The following DNAH7 variants were observed in gnomAD, a reference collection of about 807,000 sequenced individuals.
DNAH7 encodes the protein dynein axonemal heavy chain 7, also known as axonemal beta dynein heavy chain 7.
Under a neutral mutation model 444.6 loss-of-function variants are expected in DNAH7, and 397 were observed. The ratio of observed to expected loss-of-function variants is 0.89; its 90% CI spans 0.82 to 0.97. DNAH7 has a LOEUF of 0.97. Among genes scored for constraint, DNAH7 ranks in the 50% least tolerant of loss-of-function variants. The probability of loss-of-function intolerance (pLI) is 0.00; values close to 1 mark genes in which losing one functional copy is unlikely to be tolerated. For synonymous variants in DNAH7, 1,636 were observed against 1,624.4 expected (o/e 1.01, Z -0.17); for missense variants, 4,902 against 4,800.8 (o/e 1.02, Z -0.62).
chr2:195,830,124 C>T (rs1282020953), intron 48 of DNAH7, among the ~76,000 whole-genome samples: 1 of 152,106 alleles, frequency 6.6e-6, no homozygotes, highest in Non-Finnish European at 1.5e-5. Flanking sequence ...AGACAGACTT[C>T]TCTTCATGTT....
chr2:195,786,571 T>TA (rs1695631944), intron 58 of DNAH7, among the ~76,000 whole-genome samples: 2 of 143,224 alleles, frequency 1.4e-5, no homozygotes, highest in Non-Finnish European at 3.0e-5. Flanking sequence ...TTAAATAGAT[T>TA]TTTTTTTTTT....
At chr2:195,878,682 C>T (rs1056013599) in intron 36 of DNAH7, among the ~76,000 whole-genome samples, 1 of 152,036 alleles carries the variant, frequency 6.6e-6, no homozygotes, top group Non-Finnish European at 1.5e-5. Flanking sequence ...AGCATTGAGG[C>T]CATCTAAAAA....
At chr2:195,979,342 A>C (rs1692407268) in intron 15 of DNAH7, among the ~76,000 whole-genome samples, 1 of 152,294 alleles carries the variant, frequency 6.6e-6, no homozygotes, top group South Asian at 2.1e-4. Flanking sequence ...ACACAAACAC[A>C]TGGAAATTAA....
rs376511065 is a variant in DNAH7, at chr2:195,960,928, A to G, written c.2223T>C (p.Ala741=). 69 of 1,595,010 alleles carry G rather than the reference A, an allele frequency of 4.3e-5. No homozygotes were observed. The highest frequency in any genetic ancestry group is 3.9e-5 in the Non-Finnish European group (46 of 1,169,156). ...GTAGCCAACCAAATGCTTCCTCTTCAGCATTAAACTGCTCAATCTGAAAGG... is the reference window on the plus strand; with the variant it reads ...GTAGCCAACCAAATGCTTCCTCTTCGGCATTAAACTGCTCAATCTGAAAGG... ...LAADKIEQFN[A]EEEAFGWLPS... The change falls in exon 18 of 65, where the codon GCT becomes GCC. Residue 741 remains alanine (A), a synonymous_variant. Transcript: ENST00000312428.
chr2:195,802,989 G>A (rs1233558098), intron 54 of DNAH7, among the ~76,000 whole-genome samples: 1 of 152,144 alleles, frequency 6.6e-6, no homozygotes, highest in Non-Finnish European at 1.5e-5. Context: ...TTTCACATAT[G>A]ATAAATGTTT....
At chr2:195,744,816 A>T (rs1286783006) in intron 63 of DNAH7, among the ~76,000 whole-genome samples, 2 of 152,204 alleles carry the variant, frequency 1.3e-5, no homozygotes, top group African/African-American at 4.8e-5. Flanking sequence ...AAGGAAAACT[A>T]ACAAACAGAA....
intron 29 of DNAH7, among the ~76,000 whole-genome samples, chr2:195,897,000 T>C (rs1390244384): frequency 6.6e-6 from 1 of 152,186 alleles, no homozygotes; most frequent in Non-Finnish European, 1.5e-5. Flanking sequence ...TGGAAATATG[T>C]AACACACTGC....
chr2:195,909,895 G>T, intron 25 of DNAH7, 132 bp downstream of exon 25: 1 of 894,276 alleles, frequency 1.1e-6, no homozygotes, highest in Non-Finnish European at 1.6e-6. Context: ...AAGAATTATT[G>T]AGATAGTGCT....
At chr2:195,835,567 C>G (rs12477668) in intron 47 of DNAH7, among the ~76,000 whole-genome samples, 1 of 151,878 alleles carries the variant, frequency 6.6e-6, no homozygotes. Flanking sequence ...TAGCTTAGGC[C>G]GGGTGCGGTA....
chr2:195,880,576 G>A (rs1701320269), intron 36 of DNAH7, among the ~76,000 whole-genome samples: 1 of 151,964 alleles, frequency 6.6e-6, no homozygotes. Flanking sequence ...ATCTCCTAGT[G>A]ATCCCCCCGC....
At chr2:195,844,452 G>C (rs944146281) in intron 47 of DNAH7, among the ~76,000 whole-genome samples, 2 of 152,206 alleles carry the variant, frequency 1.3e-5, no homozygotes. Context: ...GTGAGACCTG[G>C]AGGAGAGGGT....
intron 49 of DNAH7, among the ~76,000 whole-genome samples, chr2:195,819,957 T>C (rs1404828692): frequency 6.6e-6 from 1 of 152,184 alleles, no homozygotes; most frequent in Non-Finnish European, 1.5e-5. Context: ...GTGACTTCAA[T>C]GTTCAGCCAG....
At chr2:195,896,478 C>G (rs1351984429) in intron 29 of DNAH7, among the ~76,000 whole-genome samples, 5 of 151,822 alleles carry the variant, frequency 3.3e-5, no homozygotes, top group Non-Finnish European at 1.5e-5. Flanking sequence ...AATGTTAGAG[C>G]TTGAGGTTTT....
At chr2:196,024,039 A>G (rs1443062003) in intron 8 of DNAH7, among the ~76,000 whole-genome samples, 2 of 152,198 alleles carry the variant, frequency 1.3e-5, no homozygotes, top group Admixed American at 1.3e-4. Flanking sequence ...TATAATAGTA[A>G]CATCAAAGAT....
intron 46 of DNAH7, among the ~76,000 whole-genome samples, chr2:195,852,913 CACAGAGAGAG>C (rs1481200174): frequency 7.1e-4 from 96 of 134,706 alleles, no homozygotes; most frequent in South Asian, 4.1e-3. Flanking sequence ...CACACACACA[CACAGAGAGAG>C]AGAGAGAGAG....
At chr2:195,995,408 T>C in intron 12 of DNAH7, 1 of 475,436 alleles carries the variant, frequency 2.1e-6, no homozygotes, top group Non-Finnish European at 4.2e-6. Context: ...ATGGCGTTTT[T>C]CTGAGGGAGA....
chr2:195,861,965 C>T lies in DNAH7; in HGVS notation c.7507-19G>A. 6.3e-7 allele frequency: 1 copy of T among 1,580,006 alleles called. No homozygotes were observed. On this transcript the variant is annotated intron_variant, in intron 41 of 64. Coordinates refer to ENST00000312428, the MANE Select transcript of DNAH7 (RefSeq NM_018897.3). ...GCCATGACTAAATGTAAGATAAATG[C>T]TTTAGCATTTTATTAAGATTACGAA... is the stretch of plus-strand genomic sequence containing the variant.
chr2:195,844,965 T>TA (rs1357188975), intron 47 of DNAH7, 37 bp downstream of exon 47: 1 of 1,579,146 alleles, frequency 6.3e-7, no homozygotes. Flanking sequence ...TACTGTTATT[T>TA]AATAAAGACC....
At chr2:196,047,630 ATTT>A in intron 4 of DNAH7, 131 bp from the exon 5 acceptor site, 1 of 519,144 alleles carries the variant, frequency 1.9e-6, no homozygotes, top group Non-Finnish European at 2.9e-6. Context: ...CCTAAGTATA[ATTT>A]TTTTTTTTTA....
Sources: allele counts gnomAD v4.1 joint callset (sites outside exome capture counted in the v4.1 genomes callset), GRCh38; gene constraint gnomAD v4.1.1; transcripts MANE v1.5; gene names NCBI Gene and HGNC (gene_info 2026-07-23, HGNC 2026-07-21).